EHMT2: variants seen among roughly 807,000 people sequenced by gnomAD.
EHMT2 encodes the protein euchromatic histone lysine methyltransferase 2.
A neutral mutation model predicts 143.3 loss-of-function variants in EHMT2; 59 were observed. The ratio of observed to expected loss-of-function variants is 0.41; its 90% CI spans 0.33 to 0.51. The LOEUF (loss-of-function observed/expected upper bound fraction) is 0.51, where lower values mean the gene tolerates loss of function less well. Ranked by LOEUF, EHMT2 falls within the 20% of genes least tolerant of loss-of-function variation. EHMT2 has a pLI of 0.18. For missense variants in EHMT2, 1,174 were observed against 1,645.9 expected (o/e 0.71, Z 4.96); for synonymous variants, 604 against 651.5 (o/e 0.93, Z 1.11).
At chr6:31,885,133 C>T in intron 18 of EHMT2, 117 bp from the exon 19 acceptor site, 1 of 1,354,290 alleles carries the variant, frequency 7.4e-7, no homozygotes. Context: ...GCTGTGGGAC[C>T]CTGGGTAAGT....
chr6:31,882,733 G>A (rs772209574), exon 25 of EHMT2: 1 of 1,612,702 alleles, frequency 6.2e-7, no homozygotes, highest in East Asian at 2.2e-5. Context: ...ATGGTCTGCA[G>A]GGCGCGGACC....
chr6:31,880,556 C>T lies in EHMT2; in HGVS notation c.3452+117G>A, dbSNP rs1763971040. On this transcript the variant is annotated intron_variant, in intron 27 of 27. Transcript: ENST00000375537. This position sits in a 1 kb window ranked among gnomAD's most constrained non-coding sequence, Gnocchi z 6.6. ...AGGAAATACTTATGTACACTGAAAT[C>T]TGAGAAGCTCTGCACTACTCCATGC... 3.5e-6 allele frequency: 4 copies of T among 1,128,088 alleles called. No homozygotes were observed. The highest frequency in any genetic ancestry group is 5.1e-6 in the Non-Finnish European group (4 of 790,640). 69.9% of individuals were successfully genotyped at this position (1,128,088 alleles called of 1,614,324 possible). A position where few individuals can be genotyped will look rare whatever the true frequency, so the allele number is the denominator to read the frequency against.
At position 31,888,021 on chromosome 6, in the gene EHMT2, C is replaced by T. The variant is rs1370299849; in HGVS notation, c.1745+20G>A. ...GGGGTGGGGGAGGGAACAGACAGTA[C>T]AGAAGGGGGAGGCCAGTACCTGGGC... is the stretch of plus-strand genomic sequence containing the variant. On this transcript the variant is annotated intron_variant, in intron 13 of 27. Coordinates refer to ENST00000375537, the Ensembl canonical transcript of EHMT2. This position sits in a 1 kb window ranked among gnomAD's most constrained non-coding sequence, Gnocchi z 7.4. The T allele has an allele frequency of 1.3e-6, 2 of 1,571,998 alleles. No homozygotes were observed. The highest frequency in any genetic ancestry group is 1.7e-6 in the Non-Finnish European group (2 of 1,159,396).
rs139617760 is a variant in EHMT2, at chr6:31,892,538, G to A, written c.733C>T (p.Arg245Cys). 1,137 of 1,612,994 alleles carry A rather than the reference G, an allele frequency of 7.0e-4. No homozygotes were observed. The highest frequency in any genetic ancestry group is 9.3e-4 in the Non-Finnish European group (1,092 of 1,180,012). Residue 245 changes from arginine to cysteine, a missense_variant, in exon 7 of 28, where the codon CGT (arginine) becomes TGT (cysteine). Physicochemically the swap from Arg to Cys is radical, Grantham distance 180. Coordinates refer to ENST00000375537, the Ensembl canonical transcript of EHMT2. ...TTCGTCAGGGTCACTTCTCCTGAAC[G>A]CCGGGCAGAACCTAACTCCTCTGAC...
chr6:31,890,749 C>T (rs1765579413), intron 7 of EHMT2, among the ~76,000 whole-genome samples: 2 of 149,602 alleles, frequency 1.3e-5, no homozygotes, highest in South Asian at 2.1e-4. Context: ...CCTGTAATCC[C>T]AGCTACTTGG....
At position 31,889,354 on chromosome 6, in the gene EHMT2, G is replaced by C; in HGVS notation, c.1000-12C>G. 6.2e-7 allele frequency: 1 copy of C among 1,610,236 alleles called. No individual in the cohort carries two copies. Among genetic ancestry groups the C allele is most frequent in the Non-Finnish European group, 8.5e-7 (1 of 1,179,308 alleles). The stretch of plus-strand genomic sequence containing the variant: ...CCACTGGAACCACTCTGGGAAGGGG[G>C]AGGAGGAGGAGTTAGGAACCCTCAC... On this transcript the variant is annotated splice_polypyrimidine_tract_variant and intron_variant, in intron 8 of 27. Coordinates refer to ENST00000375537, the Ensembl canonical transcript of EHMT2. This position sits in a 1 kb window ranked among gnomAD's most constrained non-coding sequence, Gnocchi z 5.1.
At position 31,883,181 on chromosome 6, in the gene EHMT2, G is replaced by A; in HGVS notation, c.2995-172C>T. ...CATCATCCCTGGTTTGCATAGACCT[G>A]GGCACACGCCCATCGCTGTCCCAGC... On this transcript the variant is annotated intron_variant, in intron 23 of 27. Transcript: ENST00000375537. This position sits in a 1 kb window ranked among gnomAD's most constrained non-coding sequence, Gnocchi z 5.6. 1.2e-6 allele frequency: 1 copy of A among 858,284 alleles called. No homozygotes were observed. The highest frequency in any genetic ancestry group is 1.9e-6 in the Non-Finnish European group (1 of 536,896). 53.2% of individuals were successfully genotyped at this position (858,284 alleles called of 1,614,324 possible). A position where few individuals can be genotyped will look rare whatever the true frequency, so the allele number is the denominator to read the frequency against.
exon 14 of EHMT2, chr6:31,887,830 C>A (rs771469971): frequency 6.2e-7 from 1 of 1,609,720 alleles, no homozygotes; most frequent in East Asian, 2.2e-5. Flanking sequence ...CCGGCCTGGC[C>A]CCAGTGGCAG....
chr6:31,891,847 T>C (rs1765727993), intron 7 of EHMT2, among the ~76,000 whole-genome samples: 1 of 152,222 alleles, frequency 6.6e-6, no homozygotes, highest in African/African-American at 2.4e-5. Context: ...ACATGTCTGT[T>C]AAATGGTCAT....
chr6:31,882,896 G>C (rs774221386), exon 24 of EHMT2: 1 of 1,612,932 alleles, frequency 6.2e-7, no homozygotes. Flanking sequence ...GGCCTCACTT[G>C]ATGCCACTCT....
In EHMT2 at chr6:31,888,961, G is replaced by C; in HGVS notation, c.1216+8C>G. On this transcript the variant is annotated splice_region_variant and intron_variant, in intron 10 of 27. Transcript: ENST00000375537. The surrounding 1 kb of genome is among the most constrained non-coding windows in gnomAD (Gnocchi z 7.4). ...TAGTGGCTCCCTGTCCCGGCAATTG[G>C]CAATTACCAGCGTGGTTGGGGGAGA... 1 of 1,592,800 alleles carries C rather than the reference G, an allele frequency of 6.3e-7. No individual in the cohort carries two copies. Among genetic ancestry groups the C allele is most frequent in the African/African-American group, 1.3e-5 (1 of 74,704 alleles).
Position 31,887,873 on chromosome 6 carries a change from G to A in EHMT2, c.1834C>T (p.Leu612=), listed in dbSNP as rs1765092499. The A allele has an allele frequency of 2.5e-6, 4 of 1,611,774 alleles. No individual in the cohort carries two copies. In the African/African-American group the frequency reaches 5.3e-5, roughly 22 times the overall value. ...GCTGAAAGGCAGCCCCCATTGGGCAGGGTCAGGGAGGGCCCTGAGCTGTCA... is the reference window on the plus strand; with the variant it reads ...GCTGAAAGGCAGCCCCCATTGGGCAAGGTCAGGGAGGGCCCTGAGCTGTCA... Residue 612 remains leucine (L), a synonymous_variant, in exon 14 of 28, where the codon CTG becomes TTG. Transcript: ENST00000375537.
At chr6:31,897,571 G>A (rs1766734969) in intron 1 of EHMT2, 65 bp downstream of exon 1, 8 of 1,102,314 alleles carry the variant, frequency 7.3e-6, no homozygotes, top group Non-Finnish European at 8.9e-6. Flanking sequence ...AGCATTGCAC[G>A]GGCGCGCGCT....
intron 15 of EHMT2, 93 bp downstream of exon 15, chr6:31,887,484 G>A (rs2151620894): frequency 2.7e-6 from 3 of 1,131,416 alleles, no homozygotes; most frequent in Admixed American, 3.8e-5. Context: ...CAAGGACTGT[G>A]TCCTTCACGA....
rs1239832648 is a variant in EHMT2, at chr6:31,881,412, A to C, written c.3198-320T>G. On this transcript the variant is annotated intron_variant, in intron 25 of 27. Transcript: ENST00000375537. This position sits in a 1 kb window ranked among gnomAD's most constrained non-coding sequence, Gnocchi z 4.8. ...GTGTTCCAGGAGCCACCCGGCAGGA[A>C]TGGGCGATATGGAACAGGAGAGGGG... 2 of 469,294 alleles carry C rather than the reference A, an allele frequency of 4.3e-6. No individual in the cohort carries two copies. The allele number at this position is 469,294 out of a possible 1,614,324, so 29.1% of individuals were successfully genotyped here.
Position 31,897,152 on chromosome 6 carries a change from A to G in EHMT2, c.43-163T>C, listed in dbSNP as rs574633010. On this transcript the variant is annotated intron_variant, in intron 1 of 27. Transcript: ENST00000375537. ...CTCGGCTGCCCGGAGGGGCCGCACG[A>G]CCCCTCCCCCGGGCCCGCATCAACC... The G allele has an allele frequency of 1.4e-4, 183 of 1,299,152 alleles. 1 individual carries two copies. The East Asian group carries it at 4.9e-3, about 35-fold the overall frequency. The allele number at this position is 1,299,152 out of a possible 1,614,324, so 80.5% of individuals were successfully genotyped here.
At position 31,880,649 on chromosome 6, in the gene EHMT2, C is replaced by T. The variant is rs993504644; in HGVS notation, c.3452+24G>A. The stretch of plus-strand genomic sequence containing the variant: ...TGCATCTCCCACCCCCTGGCAGAGC[C>T]CCTAGAGACCCCTAGAGTCTCACCC... On this transcript the variant is annotated intron_variant, in intron 27 of 27. Coordinates refer to ENST00000375537, the Ensembl canonical transcript of EHMT2. This position sits in a 1 kb window ranked among gnomAD's most constrained non-coding sequence, Gnocchi z 6.6. The T allele has an allele frequency of 3.1e-6, 5 of 1,610,614 alleles. No homozygotes were observed. The Admixed American group carries it at 8.3e-5, about 27-fold the overall frequency.
chr6:31,882,348 A>G (rs1380913647), intron 25 of EHMT2, among the ~76,000 whole-genome samples: 3 of 152,224 alleles, frequency 2.0e-5, no homozygotes, highest in Non-Finnish European at 4.4e-5. Context: ...ATCCAGAAGC[A>G]GAGAGGGGCT....
intron 18 of EHMT2, 172 bp downstream of exon 18, chr6:31,886,409 G>T: frequency 1.6e-6 from 1 of 617,840 alleles, no homozygotes; most frequent in Non-Finnish European, 2.8e-6. Context: ...TAAAGAGAAA[G>T]AAACGAGAAA....
Sources: allele counts gnomAD v4.1 joint callset (sites outside exome capture counted in the v4.1 genomes callset), GRCh38; gene constraint gnomAD v4.1.1; non-coding constraint Gnocchi (gnomAD v3.1); transcripts MANE v1.5; gene names NCBI Gene and HGNC (gene_info 2026-07-23, HGNC 2026-07-21).